The following RLF variants were observed in gnomAD, a reference collection of about 807,000 sequenced individuals.
The protein encoded by RLF is RLF zinc finger, also known as zinc finger protein Rlf.
RLF carries 7 observed loss-of-function variants against 162.9 expected under a neutral mutation model. That is an observed-to-expected ratio of 0.04 (90% CI 0.02 to 0.08). RLF has a LOEUF of 0.08. Ranked by LOEUF, RLF falls within the 10% of genes least tolerant of loss-of-function variation. The pLI, the probability that RLF is intolerant of heterozygous loss-of-function variation, is 1.00. For missense variants in RLF, 1,664 were observed against 2,244.7 expected (o/e 0.74, Z 5.23); for synonymous variants, 782 against 791.5 (o/e 0.99, Z 0.20).
In RLF at chr1:40,161,438, G is replaced by T. The variant is rs759531537; in HGVS notation, c.39G>T (p.Gly13=). The change falls in exon 1 of 8, where the codon GGG becomes GGT. Residue 13 remains glycine, a synonymous_variant. Coordinates refer to ENST00000372771, the MANE Select transcript of RLF (RefSeq NM_012421.4). This position sits in a 1 kb window ranked among gnomAD's most constrained non-coding sequence, Gnocchi z 4.4. ...AGGGAGACGCCGCCGCTGTCGCCGG[G>T]GCTGGGGCTGAGGCTCCGGCGGTAG... The part of the protein sequence containing the change: ...DGKGDAAAVA[G]AGAEAPAVAG... 1.3e-6 allele frequency: 2 copies of T among 1,572,148 alleles called. No individual in the cohort carries two copies. Among genetic ancestry groups the T allele is most frequent in the South Asian group, 2.3e-5 (2 of 87,222 alleles).
chr1:40,185,360 CCTCAAGTGATA>C lies in RLF; in HGVS notation c.238-3693_238-3683del, dbSNP rs562589715. On this transcript the variant is annotated intron_variant, in intron 1 of 7. Transcript: ENST00000372771. ...TGGCCAGGCTGGTCTGAACTCCTGACCTCAAGTGATACACCTGCCTCGGCCTCCCAAAGTGC... is the reference window on the plus strand; with the variant it reads ...TGGCCAGGCTGGTCTGAACTCCTGACCACCTGCCTCGGCCTCCCAAAGTGC... Among the ~76,000 whole-genome samples, 1,353 of 150,578 alleles carry C rather than the reference CCTCAAGTGATA, an allele frequency of 9.0e-3. 11 individuals carry two copies. The highest frequency in any genetic ancestry group is 0.015 in the Non-Finnish European group (1,019 of 67,566).
chr1:40,228,101 A>G (rs992251872), intron 6 of RLF, among the ~76,000 whole-genome samples: 5 of 151,984 alleles, frequency 3.3e-5, no homozygotes, highest in African/African-American at 1.2e-4. Flanking sequence ...CCTGGCCAAC[A>G]TGGTGAAACC....
At chr1:40,233,141 T>C (rs1643174324) in intron 7 of RLF, among the ~76,000 whole-genome samples, 1 of 151,790 alleles carries the variant, frequency 6.6e-6, no homozygotes, top group Admixed American at 6.6e-5. Flanking sequence ...CTATATCCTA[T>C]GTGCGCTTGC....
At chr1:40,229,507 C>T (rs1209419783) in intron 6 of RLF, among the ~76,000 whole-genome samples, 14 of 131,366 alleles carry the variant, frequency 1.1e-4, no homozygotes, top group South Asian at 2.3e-4. Context: ...CAGGCTGGAG[C>T]GCAGTGGTGC....
At chr1:40,229,984 C>G (rs1643132252) in intron 6 of RLF, among the ~76,000 whole-genome samples, 1 of 151,810 alleles carries the variant, frequency 6.6e-6, no homozygotes, top group Admixed American at 6.6e-5. Flanking sequence ...CGTGGTGGCA[C>G]ATGCCTGTAA....
intron 4 of RLF, among the ~76,000 whole-genome samples, chr1:40,198,291 C>T (rs555551656): frequency 3.0e-4 from 40 of 134,316 alleles, no homozygotes; most frequent in Non-Finnish European, 5.0e-4. Context: ...TGAGCCACCG[C>T]GCCCGGCCTC....
chr1:40,214,620 G>T (rs1320387599), intron 5 of RLF, among the ~76,000 whole-genome samples: 1 of 152,076 alleles, frequency 6.6e-6, no homozygotes, highest in East Asian at 1.9e-4. Flanking sequence ...AAGGAAACAT[G>T]CTTAAAGAAT....
chr1:40,193,244 C>T (rs1038084164), intron 3 of RLF, among the ~76,000 whole-genome samples: 1 of 150,946 alleles, frequency 6.6e-6, no homozygotes, highest in African/African-American at 2.4e-5. Context: ...TAAAATTATT[C>T]TTGAAATGCT....
At chr1:40,199,660 T>C (rs1180409040) in intron 4 of RLF, among the ~76,000 whole-genome samples, 1 of 152,192 alleles carries the variant, frequency 6.6e-6, no homozygotes, top group Non-Finnish European at 1.5e-5. Flanking sequence ...CTGTGGGAAT[T>C]TGCAAGGCGA....
At chr1:40,216,277 G>A (rs548644305) in intron 5 of RLF, among the ~76,000 whole-genome samples, 1 of 152,296 alleles carries the variant, frequency 6.6e-6, no homozygotes, top group South Asian at 2.1e-4. Context: ...GAGGCCAGAA[G>A]TTTGAGACCA....
intron 5 of RLF, among the ~76,000 whole-genome samples, chr1:40,215,974 A>G (rs540632768): frequency 1.3e-5 from 2 of 152,262 alleles, no homozygotes; most frequent in African/African-American, 4.8e-5. Context: ...TAGAAAATCA[A>G]TAAAGAAAAG....
intron 5 of RLF, among the ~76,000 whole-genome samples, chr1:40,205,384 C>G (rs972929832): frequency 1.3e-5 from 2 of 151,846 alleles, no homozygotes; most frequent in Non-Finnish European, 2.9e-5. Context: ...TGCTTTAGAT[C>G]CTGTTTCTAC....
intron 4 of RLF, among the ~76,000 whole-genome samples, chr1:40,200,867 TA>T (rs34387713): frequency 8.6e-5 from 3 of 34,840 alleles, no homozygotes; most frequent in African/African-American, 3.6e-4. Context: ...ATTGCTACTC[TA>T]CACACACACA....
At chr1:40,231,936 G>A (rs1331178996) in intron 7 of RLF, among the ~76,000 whole-genome samples, 1 of 152,262 alleles carries the variant, frequency 6.6e-6, no homozygotes, top group South Asian at 2.1e-4. Context: ...GGCCAGGCAC[G>A]GTGGCTCAAG....
chr1:40,200,867 TACACACACACACACACACACAC>T (rs71060356), intron 4 of RLF, among the ~76,000 whole-genome samples: 427 of 34,844 alleles, frequency 0.012, 5 homozygotes, highest in Middle Eastern at 0.016. Flanking sequence ...ATTGCTACTC[TACACACACACACACACACACAC>T]ACACACACAC....
chr1:40,215,751 A>C (rs760134911), intron 5 of RLF, among the ~76,000 whole-genome samples: 3 of 152,004 alleles, frequency 2.0e-5, no homozygotes, highest in African/African-American at 4.8e-5. Flanking sequence ...CCAGCCCAGA[A>C]AATACTTTGA....
chr1:40,240,116 G>A lies in RLF; in HGVS notation c.5414G>A (p.Ser1805Asn). The A allele has an allele frequency of 1.2e-6, 2 of 1,614,172 alleles. No homozygotes were observed. The highest frequency in any genetic ancestry group is 1.7e-6 in the Non-Finnish European group (2 of 1,180,016). Residue 1805 changes from serine to asparagine, a missense_variant, in exon 8 of 8, where the codon AGT becomes AAT. Ser to Asn is a conservative substitution (Grantham distance 46). Transcript: ENST00000372771. The part of the protein sequence containing the change: ...HLTLSNSSQS[S>N]NDLTGNVVAN... Reference sequence around the variant, plus strand: ...ACATTAAGTAATTCTTCACAGTCCAGTAATGATTTAACAGGGAATGTTGTG... The same window carrying A: ...ACATTAAGTAATTCTTCACAGTCCAATAATGATTTAACAGGGAATGTTGTG...
At chr1:40,208,694 G>A (rs1167060498) in intron 5 of RLF, among the ~76,000 whole-genome samples, 1 of 52,358 alleles carries the variant, frequency 1.9e-5, no homozygotes, top group African/African-American at 1.9e-4. Context: ...GGCATGTGCC[G>A]TAGTCCCAGC....
At chr1:40,210,402 C>G (rs1642850799) in intron 5 of RLF, among the ~76,000 whole-genome samples, 1 of 152,118 alleles carries the variant, frequency 6.6e-6, no homozygotes, top group African/African-American at 2.4e-5. Context: ...TTGGAGATGA[C>G]TGAATGGTAG....
Sources: allele counts gnomAD v4.1 joint callset (sites outside exome capture counted in the v4.1 genomes callset), GRCh38; gene constraint gnomAD v4.1.1; non-coding constraint Gnocchi (gnomAD v3.1); transcripts MANE v1.5; gene names NCBI Gene and HGNC (gene_info 2026-07-23, HGNC 2026-07-21).